Variants in ERI1 observed in about 807,000 individuals in gnomAD.
ERI1 encodes 3'-5' exoribonuclease 1.
ERI1 carries 39 observed loss-of-function variants against 39.7 expected under a neutral mutation model. That is an observed-to-expected ratio of 0.98 (90% CI 0.76 to 1.28). The LOEUF (loss-of-function observed/expected upper bound fraction) is 1.28, where lower values mean the gene tolerates loss of function less well. ERI1 is among the 50% of genes most tolerant of loss of function. The pLI is 0.00. For synonymous variants in ERI1, 204 were observed against 149.6 expected (o/e 1.36, Z -2.65); for missense variants, 581 against 416.9 (o/e 1.39, Z -3.43).
intron 3 of ERI1, among the ~76,000 whole-genome samples, chr8:9,075,652 C>T (rs572583113): frequency 6.6e-6 from 1 of 152,194 alleles, no homozygotes; most frequent in East Asian, 1.9e-4. Flanking sequence ...AAAGAATCCC[C>T]ACGGTGTGCA....
chr8:9,013,646 C>A (rs780483859), intron 3 of ERI1, among the ~76,000 whole-genome samples: 8 of 152,110 alleles, frequency 5.3e-5, no homozygotes, highest in Non-Finnish European at 1.2e-4. Flanking sequence ...CCAACCCGTT[C>A]CAAATCCAGA....
downstream of ERI1, among the ~76,000 whole-genome samples, chr8:9,035,812 CCTT>C (rs1554522613): frequency 6.6e-6 from 1 of 152,290 alleles, no homozygotes; most frequent in East Asian, 1.9e-4. Context: ...CAGTTGAAAA[CCTT>C]CTGGAAAGGA....
At chr8:9,024,673 C>A (rs545021498) in intron 6 of ERI1, among the ~76,000 whole-genome samples, 2 of 152,156 alleles carry the variant, frequency 1.3e-5, no homozygotes, top group East Asian at 3.9e-4. Context: ...ATCTGCCCCC[C>A]CTCGGCCTCC....
At chr8:9,058,617 G>C (rs1798588085) in intron 3 of ERI1, among the ~76,000 whole-genome samples, 1 of 152,126 alleles carries the variant, frequency 6.6e-6, no homozygotes, top group Non-Finnish European at 1.5e-5. Flanking sequence ...AATGATCCCT[G>C]AAAGTATCGT....
chr8:9,004,045 T>C (rs1303524326), intron 1 of ERI1: 1 of 1,284,582 alleles, frequency 7.8e-7, no homozygotes, highest in Non-Finnish European at 1.0e-6. Context: ...TAATTGCATC[T>C]CACACAGTTT....
intron 3 of ERI1, among the ~76,000 whole-genome samples, chr8:9,080,797 A>T (rs1799344999): frequency 6.6e-6 from 1 of 152,156 alleles, no homozygotes; most frequent in South Asian, 2.1e-4. Context: ...TAGTGCAGAT[A>T]TCAGCTAAAT....
At chr8:9,077,640 A>G (rs1799248558) in intron 3 of ERI1, among the ~76,000 whole-genome samples, 2 of 152,176 alleles carry the variant, frequency 1.3e-5, no homozygotes, top group South Asian at 4.1e-4. Flanking sequence ...CAGGCAGCAG[A>G]CCTCAGAGGA....
chr8:9,090,287 A>G (rs1310208994), intron 3 of ERI1, among the ~76,000 whole-genome samples: 1 of 152,168 alleles, frequency 6.6e-6, no homozygotes, highest in Non-Finnish European at 1.5e-5. Context: ...GCTCAGGTGC[A>G]TTTTGCTGGT....
intron 3 of ERI1, among the ~76,000 whole-genome samples, chr8:9,084,597 G>A (rs550344359): frequency 3.9e-5 from 6 of 152,136 alleles, no homozygotes; most frequent in African/African-American, 1.2e-4. Flanking sequence ...ACTAGGACTC[G>A]GGCTTGGAGG....
At chr8:9,003,480 C>T (rs538122452) in intron 1 of ERI1, among the ~76,000 whole-genome samples, 3 of 152,302 alleles carry the variant, frequency 2.0e-5, no homozygotes, top group African/African-American at 7.2e-5. Flanking sequence ...GTTGTCACTC[C>T]ATGTAGCCGT....
intron 2 of ERI1, among the ~76,000 whole-genome samples, chr8:9,008,757 G>A (rs970193601): frequency 2.0e-5 from 3 of 152,146 alleles, no homozygotes; most frequent in Non-Finnish European, 4.4e-5. Context: ...CCATGGGGCA[G>A]AAATGGCTTT....
chr8:9,076,460 C>A (rs1344245031), intron 3 of ERI1, among the ~76,000 whole-genome samples: 1 of 152,182 alleles, frequency 6.6e-6, no homozygotes, highest in Non-Finnish European at 1.5e-5. Flanking sequence ...AAGGTGCCAA[C>A]ATGTAAATGA....
intron 4 of ERI1, among the ~76,000 whole-genome samples, chr8:9,017,314 G>A (rs1346998359): frequency 3.3e-5 from 5 of 151,986 alleles, no homozygotes; most frequent in Admixed American, 6.6e-5. Flanking sequence ...TTGGGATTAC[G>A]GGCATGAGCC....
At chr8:9,082,690 C>G (rs1260863797) in intron 3 of ERI1, among the ~76,000 whole-genome samples, 1 of 152,168 alleles carries the variant, frequency 6.6e-6, no homozygotes, top group Non-Finnish European at 1.5e-5. Context: ...CAAATGGATT[C>G]TCTCCTTCCC....
At chr8:9,038,003 C>T (rs2117337368), downstream of ERI1, among the ~76,000 whole-genome samples, 1 of 151,988 alleles carries the variant, frequency 6.6e-6, no homozygotes, top group East Asian at 1.9e-4. Context: ...CACAAGTACT[C>T]CCTAATACTT....
At position 9,031,276 on chromosome 8, in the gene ERI1, A is replaced by G. The variant is rs1475620291; in HGVS notation, c.*1242A>G. The G allele has an allele frequency of 1.3e-5, 2 of 152,230 alleles. No homozygotes were observed. Among genetic ancestry groups the G allele is most frequent in the East Asian group, 1.9e-4 (1 of 5,200 alleles). 9.4% of individuals were successfully genotyped at this position (152,230 alleles called of 1,614,324 possible). On this transcript the variant is annotated 3_prime_UTR_variant, in exon 7 of 7. Transcript: ENST00000250263. ...ACCTATATCATATAGGGTGAAAAGC[A>G]GGAAAGTAGACATTTTTCTTGGCGT...
intron 3 of ERI1, among the ~76,000 whole-genome samples, chr8:9,063,079 A>G (rs1798758443): frequency 1.3e-5 from 2 of 152,222 alleles, no homozygotes; most frequent in South Asian, 4.1e-4. Context: ...CTTGAAGGCC[A>G]GGTTAATTAA....
intron 2 of ERI1, chr8:9,008,985 T>C (rs1413368523): frequency 8.8e-6 from 4 of 456,304 alleles, no homozygotes; most frequent in South Asian, 4.6e-5. Context: ...TCATAATGTA[T>C]GAAGAAATTT....
At chr8:9,019,892 T>G (rs984096147) in intron 5 of ERI1, among the ~76,000 whole-genome samples, 39 of 152,220 alleles carry the variant, frequency 2.6e-4, no homozygotes, top group Non-Finnish European at 2.9e-5. Context: ...GTATTGTCCT[T>G]AACTACAATA....
Sources: allele counts gnomAD v4.1 joint callset (sites outside exome capture counted in the v4.1 genomes callset), GRCh38; gene constraint gnomAD v4.1.1; transcripts MANE v1.5; gene names NCBI Gene and HGNC (gene_info 2026-07-23, HGNC 2026-07-21).